Variants in LRBA observed in about 807,000 individuals in gnomAD.
The protein encoded by LRBA is LPS responsive beige-like anchor protein, also known as lipopolysaccharide-responsive and beige-like anchor protein.
LRBA carries 176 observed loss-of-function variants against 330.0 expected under a neutral mutation model. That is an observed-to-expected ratio of 0.53 (90% CI 0.47 to 0.60). LRBA has a LOEUF of 0.60. Ranked by LOEUF, LRBA falls within the 20% of genes least tolerant of loss-of-function variation. The pLI is 0.00. For missense variants in LRBA, 3,259 were observed against 3,444.8 expected (o/e 0.95, Z 1.35); for synonymous variants, 1,230 against 1,193.0 (o/e 1.03, Z -0.64).
At chr4:150,440,669 G>T (rs963277191) in intron 44 of LRBA, among the ~76,000 whole-genome samples, 1 of 152,026 alleles carries the variant, frequency 6.6e-6, no homozygotes, top group African/African-American at 2.4e-5. Context: ...AACTACTTGG[G>T]AGGATCGCTT....
At chr4:150,779,294 T>C (rs1295925023) in intron 34 of LRBA, among the ~76,000 whole-genome samples, 1 of 152,134 alleles carries the variant, frequency 6.6e-6, no homozygotes, top group African/African-American at 2.4e-5. Context: ...GAAATACATA[T>C]GTGTTTCTTT....
At chr4:150,854,992 T>G (rs929612292) in intron 22 of LRBA, among the ~76,000 whole-genome samples, 3 of 151,954 alleles carry the variant, frequency 2.0e-5, no homozygotes, top group African/African-American at 7.3e-5. Flanking sequence ...GCACGGTGGC[T>G]CACGCCTGTA....
At chr4:150,269,197 T>A (rs1002415732) in intron 56 of LRBA, among the ~76,000 whole-genome samples, 4 of 152,046 alleles carry the variant, frequency 2.6e-5, no homozygotes, top group African/African-American at 9.7e-5. Context: ...GCCAAAACAA[T>A]CTTGAAAAAG....
At chr4:150,821,489 T>C (rs1745432863) in intron 30 of LRBA, among the ~76,000 whole-genome samples, 2 of 152,114 alleles carry the variant, frequency 1.3e-5, no homozygotes, top group South Asian at 4.1e-4. Flanking sequence ...TGCTGGATTT[T>C]TTTTTTCCCC....
intron 7 of LRBA, 105 bp downstream of exon 7, chr4:150,916,296 C>G: frequency 1.8e-6 from 2 of 1,137,146 alleles, no homozygotes. Context: ...ACAGTAAAAA[C>G]GAAGTTGTGC....
intron 34 of LRBA, among the ~76,000 whole-genome samples, chr4:150,795,117 A>G (rs1289566944): frequency 6.6e-6 from 1 of 152,146 alleles, no homozygotes; most frequent in East Asian, 1.9e-4. Flanking sequence ...AATGTATGTC[A>G]GACTGAATTA....
chr4:150,848,519 A>G (rs1028387932), intron 26 of LRBA, among the ~76,000 whole-genome samples: 9 of 149,822 alleles, frequency 6.0e-5, no homozygotes, highest in Non-Finnish European at 1.3e-4. Flanking sequence ...TTTTGACACC[A>G]GCCTTGGCAA....
chr4:150,943,376 C>A (rs1735886576), intron 2 of LRBA, among the ~76,000 whole-genome samples: 1 of 152,188 alleles, frequency 6.6e-6, no homozygotes, highest in Non-Finnish European at 1.5e-5. Flanking sequence ...CTGCCTCAGC[C>A]TCCCAGGTTT....
chr4:150,460,443 C>G (rs974986453), intron 44 of LRBA, among the ~76,000 whole-genome samples: 15 of 151,760 alleles, frequency 9.9e-5, no homozygotes, highest in Admixed American at 9.9e-4. Context: ...CAGTTCTCTT[C>G]GGTTTTGTCA....
chr4:150,760,088 T>G (rs1734867671), intron 35 of LRBA, among the ~76,000 whole-genome samples: 1 of 152,210 alleles, frequency 6.6e-6, no homozygotes, highest in Non-Finnish European at 1.5e-5. Context: ...TGTTTTGCAT[T>G]AAGCAGAACA....
At chr4:150,909,805 A>C (rs2127170957) in intron 9 of LRBA, among the ~76,000 whole-genome samples, 1 of 152,226 alleles carries the variant, frequency 6.6e-6, no homozygotes, top group Non-Finnish European at 1.5e-5. Flanking sequence ...CAATTTCTCC[A>C]CATTCTCACC....
At chr4:150,266,520 T>C (rs2126683632) in intron 56 of LRBA, among the ~76,000 whole-genome samples, 1 of 148,666 alleles carries the variant, frequency 6.7e-6, no homozygotes, top group Admixed American at 6.7e-5. Context: ...GATTTTTCTC[T>C]GTGTAGTTTG....
chr4:150,555,947 G>T (rs1409317369), intron 40 of LRBA, among the ~76,000 whole-genome samples: 1 of 151,890 alleles, frequency 6.6e-6, no homozygotes, highest in Non-Finnish European at 1.5e-5. Context: ...CACAGCAGGA[G>T]CACACCACTA....
intron 18 of LRBA, among the ~76,000 whole-genome samples, chr4:150,871,738 GTTAT>G (rs1402698977): frequency 6.6e-6 from 1 of 151,656 alleles, no homozygotes; most frequent in Non-Finnish European, 1.5e-5. Context: ...CTTCAGAGCA[GTTAT>G]TTATTTAACG....
intron 47 of LRBA, among the ~76,000 whole-genome samples, chr4:150,375,266 T>C (rs971057356): frequency 2.6e-5 from 4 of 152,146 alleles, no homozygotes; most frequent in Non-Finnish European, 2.9e-5. Context: ...CTGTTTTTCA[T>C]AGTGATCAGC....
intron 14 of LRBA, 102 bp from the exon 15 acceptor site, chr4:150,897,920 G>A: frequency 1.3e-6 from 1 of 759,286 alleles, no homozygotes; most frequent in Non-Finnish European, 2.2e-6. Flanking sequence ...GTGTTTGTAA[G>A]AAATATAAAG....
chr4:150,653,961 T>A (rs188246733), intron 37 of LRBA, among the ~76,000 whole-genome samples: 1 of 152,246 alleles, frequency 6.6e-6, no homozygotes, highest in Non-Finnish European at 1.5e-5. Flanking sequence ...GAATAATCAA[T>A]AATACTCCTT....
At chr4:150,712,876 C>T (rs1241411982) in intron 36 of LRBA, among the ~76,000 whole-genome samples, 3 of 152,198 alleles carry the variant, frequency 2.0e-5, no homozygotes, top group South Asian at 4.1e-4. Context: ...GGAGGAAACA[C>T]AAAAACACAC....
chr4:150,926,682 A>G (rs1733917429), intron 4 of LRBA, among the ~76,000 whole-genome samples: 1 of 152,204 alleles, frequency 6.6e-6, no homozygotes, highest in Admixed American at 6.5e-5. Context: ...AAAAACCAAG[A>G]GCATTAAAGC....
Sources: allele counts gnomAD v4.1 joint callset (sites outside exome capture counted in the v4.1 genomes callset), GRCh38; gene constraint gnomAD v4.1.1; transcripts MANE v1.5; gene names NCBI Gene and HGNC (gene_info 2026-07-23, HGNC 2026-07-21).